Variants in DMXL2 observed in about 807,000 individuals in gnomAD.
DMXL2 encodes the protein dmX-like protein 2.
In DMXL2, 103 loss-of-function variants were observed where a neutral mutation model predicts 331.1. The ratio of observed to expected loss-of-function variants is 0.31; its 90% CI spans 0.27 to 0.37. DMXL2 has a LOEUF of 0.37. DMXL2 is among the 10% of genes least tolerant of loss of function. The pLI, the probability that DMXL2 is intolerant of heterozygous loss-of-function variation, is 1.00. For missense variants in DMXL2, 3,171 were observed against 3,642.9 expected (o/e 0.87, Z 3.33); for synonymous variants, 1,281 against 1,252.1 (o/e 1.02, Z -0.49).
At chr15:51,560,460 G>A (rs2049880992) in intron 6 of DMXL2, among the ~76,000 whole-genome samples, 1 of 115,618 alleles carries the variant, frequency 8.6e-6, no homozygotes. Flanking sequence ...TAAATAAAGG[G>A]AAAAGAGACC....
chr15:51,580,940 T>G (rs533636675), intron 1 of DMXL2, among the ~76,000 whole-genome samples: 35 of 149,484 alleles, frequency 2.3e-4, no homozygotes, highest in African/African-American at 8.7e-4. Flanking sequence ...CTAATAGACA[T>G]AAGTCATAGA....
Position 51,467,851 on chromosome 15 carries a change from C to T in DMXL2, c.7393-1540G>A, listed in dbSNP as rs548658388. Among the ~76,000 whole-genome samples, 68 of 152,074 alleles carry T rather than the reference C, an allele frequency of 4.5e-4. 2 individuals carry two copies. The East Asian group carries it at 9.7e-3, about 22-fold the overall frequency. On this transcript the variant is annotated intron_variant, in intron 29 of 43. Transcript: ENST00000560891. The stretch of plus-strand genomic sequence containing the variant: ...ACGCCATTCTCCTGCCTCAGCCTCC[C>T]GAGTAGCTGGGACTACAGGCACCTG...
chr15:51,589,747 C>T (rs1416442387), intron 1 of DMXL2, among the ~76,000 whole-genome samples: 2 of 152,114 alleles, frequency 1.3e-5, no homozygotes, highest in Non-Finnish European at 2.9e-5. Flanking sequence ...GAGTATGGTA[C>T]AGCATCAAAC....
At chr15:51,553,679 C>T (rs2049362781) in intron 6 of DMXL2, among the ~76,000 whole-genome samples, 1 of 152,044 alleles carries the variant, frequency 6.6e-6, no homozygotes, top group Non-Finnish European at 1.5e-5. Context: ...CCATCTACAT[C>T]CACTTAATGA....
Position 51,469,158 on chromosome 15 carries a change from G to A in DMXL2, c.7392+2065C>T, listed in dbSNP as rs542570684. ...ATTAAAGAATTGTGGGTGTGCTTCT[G>A]TGGGTGTAACACTAATGTAGATCTA... On this transcript the variant is annotated intron_variant, in intron 29 of 43. Coordinates refer to ENST00000560891, the MANE Select transcript of DMXL2 (RefSeq NM_001378457.1). Among the ~76,000 whole-genome samples the A allele has an allele frequency of 3.3e-5, 5 of 152,014 alleles. No homozygotes were observed. The East Asian group carries it at 9.7e-4, about 29-fold the overall frequency.
At chr15:51,598,991 T>C (rs771370701) in intron 1 of DMXL2, among the ~76,000 whole-genome samples, 13 of 152,260 alleles carry the variant, frequency 8.5e-5, no homozygotes, top group Non-Finnish European at 1.8e-4. Flanking sequence ...GCATCATTTG[T>C]CAGTTTCCCT....
chr15:51,592,571 A>G (rs142477176), intron 1 of DMXL2, among the ~76,000 whole-genome samples: 6 of 152,310 alleles, frequency 3.9e-5, no homozygotes, highest in African/African-American at 1.2e-4. Context: ...AGAGAACGCC[A>G]CAAAGATACT....
intron 23 of DMXL2, among the ~76,000 whole-genome samples, chr15:51,483,990 G>A (rs886799678): frequency 1.3e-5 from 2 of 151,946 alleles, no homozygotes; most frequent in Non-Finnish European, 2.9e-5. Context: ...CTGAGGAGCA[G>A]CCTCACTGCC....
At chr15:51,549,173 A>T (rs1289831911) in intron 6 of DMXL2, among the ~76,000 whole-genome samples, 1 of 152,080 alleles carries the variant, frequency 6.6e-6, no homozygotes, top group Non-Finnish European at 1.5e-5. Context: ...CTGCATCTTC[A>T]TAGCTTAGCT....
At chr15:51,533,422 A>C (rs890981769) in intron 13 of DMXL2, among the ~76,000 whole-genome samples, 1 of 152,248 alleles carries the variant, frequency 6.6e-6, no homozygotes, top group African/African-American at 2.4e-5. Context: ...CAAAACACTG[A>C]GTATAATGGA....
chr15:51,540,752 AT>A (rs2048549722), intron 9 of DMXL2, among the ~76,000 whole-genome samples: 1 of 152,204 alleles, frequency 6.6e-6, no homozygotes, highest in African/African-American at 2.4e-5. Flanking sequence ...AAAATGCATG[AT>A]GTTAAACATT....
At chr15:51,568,286 T>A in intron 3 of DMXL2, 1 of 473,884 alleles carries the variant, frequency 2.1e-6, no homozygotes. Flanking sequence ...ATTTGCAATA[T>A]TCTAGAGACT....
intron 6 of DMXL2, among the ~76,000 whole-genome samples, chr15:51,553,214 TATC>T (rs1322648395): frequency 1.3e-5 from 2 of 152,318 alleles, no homozygotes; most frequent in African/African-American, 4.8e-5. Context: ...AAGCCTTGTC[TATC>T]ATCTTCATCA....
At position 51,471,352 on chromosome 15, in the gene DMXL2, G is replaced by A; in HGVS notation, c.7263C>T (p.Asn2421=). 6.2e-7 allele frequency: 1 copy of A among 1,613,868 alleles called. No individual in the cohort carries two copies. Among genetic ancestry groups the A allele is most frequent in the Non-Finnish European group, 8.5e-7 (1 of 1,179,908 alleles). The change falls in exon 29 of 44, where the codon AAC becomes AAT. Residue 2421 remains asparagine (N), a synonymous_variant. Transcript: ENST00000560891. ...EDIDKHRRRF[N]MRMLVPGRPV... is the part of the protein sequence containing the mutation. ...GCCTTCCAGGGACGAGCATTCTCATGTTAAATCTCCTACGGTGTTTATCTA... is the reference window on the plus strand; with the variant it reads ...GCCTTCCAGGGACGAGCATTCTCATATTAAATCTCCTACGGTGTTTATCTA...
chr15:51,535,132 T>C (rs949230332), intron 13 of DMXL2, among the ~76,000 whole-genome samples: 2 of 152,178 alleles, frequency 1.3e-5, no homozygotes, highest in African/African-American at 2.4e-5. Flanking sequence ...TTTATTAGAA[T>C]AGTTGTTTTT....
At chr15:51,543,676 A>G (rs1251117707) in intron 8 of DMXL2, among the ~76,000 whole-genome samples, 2 of 152,188 alleles carry the variant, frequency 1.3e-5, no homozygotes, top group East Asian at 3.9e-4. Flanking sequence ...TTCCATAGGA[A>G]AGGATAGGAT....
chr15:51,466,036 C>T (rs1011100025), intron 30 of DMXL2, 148 bp downstream of exon 30: 25 of 686,818 alleles, frequency 3.6e-5, no homozygotes, highest in Non-Finnish European at 5.2e-5. Context: ...AGACATTGAC[C>T]TCAAAGGTGT....
intron 17 of DMXL2, among the ~76,000 whole-genome samples, chr15:51,501,919 C>CA (rs751293392): frequency 0.012 from 1,073 of 86,684 alleles, 7 homozygotes; most frequent in Middle Eastern, 0.026. Context: ...AACTCCATCT[C>CA]AAAAAAAAAA....
At chr15:51,515,035 C>T (rs150600249) in intron 14 of DMXL2, among the ~76,000 whole-genome samples, 111 of 152,168 alleles carry the variant, frequency 7.3e-4, no homozygotes, top group African/African-American at 2.5e-3. Context: ...GAAAGCTCCT[C>T]GAAGTATCCC....
Sources: gnomAD v4.1 joint callset for allele counts (sites outside exome capture counted in the v4.1 genomes callset) on GRCh38, gnomAD v4.1.1 for gene constraint, MANE v1.5 for transcripts, NCBI Gene and HGNC (gene_info 2026-07-23, HGNC 2026-07-21) for gene names.